The following OSBPL10 variants were observed in gnomAD, a reference collection of about 807,000 sequenced individuals.
OSBPL10 encodes the protein oxysterol binding protein like 10.
Under a neutral mutation model 81.7 loss-of-function variants are expected in OSBPL10, and 49 were observed. The observed-to-expected ratio is 0.60, with a 90% CI of 0.48 to 0.76. The LOEUF (loss-of-function observed/expected upper bound fraction) is 0.76. Ranked by LOEUF, OSBPL10 falls within the 30% of genes least tolerant of loss-of-function variation. OSBPL10 has a pLI of 0.00. For synonymous variants in OSBPL10, 419 were observed against 383.6 expected (o/e 1.09, Z -1.08); for missense variants, 923 against 987.8 (o/e 0.93, Z 0.88).
At chr3:32,047,302 A>G (rs1179587066) in intron 1 of OSBPL10, among the ~76,000 whole-genome samples, 2 of 152,064 alleles carry the variant, frequency 1.3e-5, no homozygotes, top group African/African-American at 4.8e-5. Flanking sequence ...TAGAGAAGTA[A>G]AGAAACAAAA....
At chr3:31,992,093 C>A (rs1332418675) in intron 2 of OSBPL10, among the ~76,000 whole-genome samples, 1 of 150,814 alleles carries the variant, frequency 6.6e-6, no homozygotes. Flanking sequence ...TCGCAGTGAG[C>A]CAGGATCGCC....
chr3:31,999,998 G>A (rs1049215278), intron 2 of OSBPL10, among the ~76,000 whole-genome samples: 1 of 152,140 alleles, frequency 6.6e-6, no homozygotes, highest in Non-Finnish European at 1.5e-5. Context: ...TGCGGCCTCA[G>A]CTATAACAGG....
chr3:31,964,281 C>T lies in OSBPL10; in HGVS notation c.281+16618G>A, dbSNP rs117001037. Among the ~76,000 whole-genome samples, 1,427 of 152,208 alleles carry T rather than the reference C, an allele frequency of 9.4e-3. 97 individuals carry two copies. In the East Asian group the frequency reaches 0.19, roughly 20 times the overall value. ...AAGCAATTCTCCTGCCTCAGGCTCC[C>T]GACTAACTGGGACTACAGGTGTGCA... On this transcript the variant is annotated intron_variant, in intron 1 of 11. Coordinates refer to ENST00000396556, the MANE Select transcript of OSBPL10 (RefSeq NM_017784.5).
intron 3 of OSBPL10, among the ~76,000 whole-genome samples, chr3:31,846,422 G>C (rs1032564805): frequency 6.6e-6 from 1 of 152,054 alleles, no homozygotes; most frequent in Non-Finnish European, 1.5e-5. Context: ...TCAGGAGTTC[G>C]AGATCAGTCT....
intron 5 of OSBPL10, among the ~76,000 whole-genome samples, chr3:31,741,086 C>G (rs113394649): frequency 1.3e-5 from 2 of 152,094 alleles, no homozygotes; most frequent in Non-Finnish European, 2.9e-5. Flanking sequence ...ACCTACAAGG[C>G]CCCTGCAAGG....
rs1249495428 is a variant in OSBPL10, at chr3:31,776,875, T to G, written c.730-28755A>C. On this transcript the variant is annotated intron_variant, in intron 4 of 11. Coordinates refer to ENST00000396556, the MANE Select transcript of OSBPL10 (RefSeq NM_017784.5). ...TTGGAACTAGATAGAAGTGGCAGTT[T>G]CACAACACTGTGAATACACTAACAG... 4.6e-5 allele frequency among the ~76,000 whole-genome samples: 7 copies of G among 152,280 alleles called. No homozygotes were observed. The East Asian group carries it at 1.3e-3, about 29-fold the overall frequency.
At chr3:32,009,366 T>G (rs2125538202) in intron 2 of OSBPL10, among the ~76,000 whole-genome samples, 1 of 152,368 alleles carries the variant, frequency 6.6e-6, no homozygotes, top group East Asian at 1.9e-4. Context: ...TAATCACGCA[T>G]GAGTCTTCAA....
chr3:31,727,495 C>T (rs886262582), intron 6 of OSBPL10, among the ~76,000 whole-genome samples: 6 of 152,010 alleles, frequency 3.9e-5, no homozygotes, highest in Non-Finnish European at 5.9e-5. Context: ...CTATCACCCA[C>T]GAAATTTACT....
At chr3:31,863,821 T>C (rs536680914) in intron 3 of OSBPL10, among the ~76,000 whole-genome samples, 13 of 152,268 alleles carry the variant, frequency 8.5e-5, no homozygotes, top group African/African-American at 2.9e-4. Flanking sequence ...CTTGATCAAA[T>C]ACAAAACAAT....
chr3:31,863,088 G>C (rs1442099310), intron 3 of OSBPL10, among the ~76,000 whole-genome samples: 1 of 152,196 alleles, frequency 6.6e-6, no homozygotes, highest in Non-Finnish European at 1.5e-5. Context: ...CATAAAAAAG[G>C]AATGAAGTAC....
intron 7 of OSBPL10, 114 bp from the exon 8 acceptor site, chr3:31,684,228 G>C (rs1700734660): frequency 1.0e-5 from 14 of 1,401,020 alleles, no homozygotes; most frequent in Non-Finnish European, 1.3e-5. Context: ...TCCAGCCAGG[G>C]AGCAGTCTGT....
At chr3:31,901,217 A>G (rs1236721827) in intron 1 of OSBPL10, among the ~76,000 whole-genome samples, 1 of 152,208 alleles carries the variant, frequency 6.6e-6, no homozygotes, top group Non-Finnish European at 1.5e-5. Context: ...TCTACTCGAC[A>G]TAAAGGTTTT....
intron 1 of OSBPL10, among the ~76,000 whole-genome samples, chr3:31,950,709 C>T (rs1697842844): frequency 6.6e-6 from 1 of 152,174 alleles, no homozygotes; most frequent in Non-Finnish European, 1.5e-5. Context: ...TCACAAATGG[C>T]TTGGTGCCCT....
intron 2 of OSBPL10, among the ~76,000 whole-genome samples, chr3:31,995,364 G>C (rs1033883886): frequency 1.3e-5 from 2 of 152,110 alleles, no homozygotes; most frequent in African/African-American, 4.8e-5. Flanking sequence ...TTTCCCTAGG[G>C]TCTTAATATT....
At chr3:31,812,756 A>ACTTCTCCAATAACATGTG (rs1699725402) in intron 4 of OSBPL10, among the ~76,000 whole-genome samples, 1 of 53,090 alleles carries the variant, frequency 1.9e-5, no homozygotes, top group African/African-American at 8.5e-5. Context: ...GAAAGAAAGA[A>ACTTCTCCAATAACATGTG]AGAAAGAAAG....
chr3:32,060,687 G>A lies in OSBPL10; in HGVS notation n.186-14084C>T, dbSNP rs563366765. ...ACCCACTTCCATGGGCAGGCACAGT[G>A]GCTCATGCCTGTAATCCCAGTACTT... On this transcript the variant is annotated intron_variant and non_coding_transcript_variant, in intron 1 of 3. Coordinates refer to the OSBPL10 transcript ENST00000479173. Among the ~76,000 whole-genome samples, 83 of 91,752 alleles carry A rather than the reference G, an allele frequency of 9.0e-4. 35 individuals carry two copies. The highest frequency in any genetic ancestry group is 5.6e-3 in the Middle Eastern group (1 of 178). The allele number at this position is 91,752 out of a possible 152,430, so 60.2% of individuals were successfully genotyped here.
At chr3:31,734,358 T>C (rs565869357) in intron 5 of OSBPL10, among the ~76,000 whole-genome samples, 1 of 152,354 alleles carries the variant, frequency 6.6e-6, no homozygotes, top group East Asian at 1.9e-4. Context: ...TCATATATTA[T>C]TGTAGAACAT....
intron 8 of OSBPL10, among the ~76,000 whole-genome samples, chr3:31,682,115 A>G (rs561737110): frequency 3.3e-5 from 5 of 151,998 alleles, no homozygotes; most frequent in Admixed American, 2.6e-4. Context: ...ACTCCACTAC[A>G]TTTACTTCCT....
At chr3:31,873,057 G>A (rs1300486150) in intron 3 of OSBPL10, among the ~76,000 whole-genome samples, 1 of 152,186 alleles carries the variant, frequency 6.6e-6, no homozygotes, top group Non-Finnish European at 1.5e-5. Context: ...GGGTCAGCGA[G>A]GAGATTGATC....
Sources: allele counts gnomAD v4.1 joint callset (sites outside exome capture counted in the v4.1 genomes callset), GRCh38; gene constraint gnomAD v4.1.1; transcripts MANE v1.5; gene names NCBI Gene and HGNC (gene_info 2026-07-23, HGNC 2026-07-21).